Variants in PRDM2 observed in about 807,000 individuals in gnomAD.
The protein encoded by PRDM2 is PR/SET domain 2.
Under a neutral mutation model 130.0 loss-of-function variants are expected in PRDM2, and 30 were observed. That is an observed-to-expected ratio of 0.23 (90% confidence interval 0.17 to 0.31). PRDM2 has a LOEUF of 0.31. PRDM2 is among the 10% of genes least tolerant of loss of function. PRDM2 has a pLI of 1.00. For missense variants in PRDM2, 2,011 were observed against 2,108.4 expected (o/e 0.95, Z 0.90); for synonymous variants, 871 against 782.4 (o/e 1.11, Z -1.89).
intron 2 of PRDM2, among the ~76,000 whole-genome samples, chr1:13,726,551 G>A (rs1042296554): frequency 6.6e-6 from 1 of 152,212 alleles, no homozygotes; most frequent in Non-Finnish European, 1.5e-5. Flanking sequence ...GAATGAAGGA[G>A]AGACGCTTTG....
chr1:13,779,310 T>C lies in PRDM2; in HGVS notation c.1515T>C (p.Val505=). 6.2e-7 allele frequency: 1 copy of C among 1,614,082 alleles called. No individual in the cohort carries two copies. The highest frequency in any genetic ancestry group is 2.2e-5 in the East Asian group (1 of 44,882). ...ATATGAGACGGCATCAGCGTAGAGTTCACGAACGTCATCTGATTCCCAAAG... is the reference window on the plus strand; with the variant it reads ...ATATGAGACGGCATCAGCGTAGAGTCCACGAACGTCATCTGATTCCCAAAG... ...HTNMRRHQRR[V]HERHLIPKGV... The change falls in exon 8 of 10, where the codon GTT becomes GTC. Residue 505 remains valine (V), a synonymous_variant. Coordinates refer to ENST00000311066, the MANE Select transcript of PRDM2 (RefSeq NM_001393986.1). The surrounding 1 kb of genome is among the most constrained non-coding windows in gnomAD (Gnocchi z 4.9).
chr1:13,787,898 T>G, intron 8 of PRDM2: 2 of 984,364 alleles, frequency 2.0e-6, no homozygotes, highest in Non-Finnish European at 2.4e-6. Context: ...AGAGAGAGGT[T>G]AATTATAGAT....
At chr1:13,818,659 A>G (rs1645298024) in intron 9 of PRDM2, among the ~76,000 whole-genome samples, 2 of 151,550 alleles carry the variant, frequency 1.3e-5, no homozygotes, top group Non-Finnish European at 2.9e-5. Flanking sequence ...TGCTGGGATT[A>G]CAGGCGTGAG....
At chr1:13,799,488 C>T (rs946946379) in intron 8 of PRDM2, among the ~76,000 whole-genome samples, 1 of 151,966 alleles carries the variant, frequency 6.6e-6, no homozygotes, top group Non-Finnish European at 1.5e-5. Context: ...AGCACAAGGC[C>T]TTGGAAAGTG....
rs775487276 is a variant in PRDM2, at chr1:13,780,758, C to T, written c.2963C>T (p.Pro988Leu). Reference sequence around the variant, plus strand: ...TTAACTGTTGCCACTCCGCCCCCTCCCCTCCTTCCTACCGTACCTCTTCCA... The same window carrying T: ...TTAACTGTTGCCACTCCGCCCCCTCTCCTCCTTCCTACCGTACCTCTTCCA... ...PVLTVATPPP[P>L]LLPTVPLPAP... Residue 988 changes from proline to leucine, a missense_variant, in exon 8 of 10, where the codon CCC becomes CTC. Pro to Leu is a moderately conservative substitution (Grantham distance 98). Around this residue, in one of 5 missense-constraint regions of PRDM2, gnomAD observed 1,288 missense variants for 1,237.7 expected, o/e 1.04. Transcript: ENST00000311066. 4.4e-6 allele frequency: 7 copies of T among 1,573,440 alleles called. No individual in the cohort carries two copies. The South Asian group carries it at 5.9e-5, about 13-fold the overall frequency.
intron 9 of PRDM2, among the ~76,000 whole-genome samples, chr1:13,817,585 G>C (rs985703715): frequency 2.6e-5 from 4 of 151,428 alleles, no homozygotes; most frequent in Non-Finnish European, 5.9e-5. Context: ...TACATCAGAA[G>C]ATCTAGGATG....
chr1:13,768,845 T>A (rs1456146056), intron 6 of PRDM2, among the ~76,000 whole-genome samples: 3 of 152,164 alleles, frequency 2.0e-5, no homozygotes, highest in Non-Finnish European at 4.4e-5. Flanking sequence ...GGGGCATCAG[T>A]TTTACAATAA....
intron 8 of PRDM2, among the ~76,000 whole-genome samples, chr1:13,789,545 G>T (rs1644804975): frequency 6.6e-6 from 1 of 152,174 alleles, no homozygotes; most frequent in South Asian, 2.1e-4. Flanking sequence ...TGGACAAGGA[G>T]ATGCTTCTAG....
chr1:13,710,070 TCTC>T (rs1330231325), intron 1 of PRDM2, among the ~76,000 whole-genome samples: 2 of 152,218 alleles, frequency 1.3e-5, no homozygotes, highest in Non-Finnish European at 2.9e-5. Flanking sequence ...AAAAATCTGT[TCTC>T]CTACTTTGCC....
chr1:13,750,414 C>G (rs1202362087), intron 6 of PRDM2, among the ~76,000 whole-genome samples: 1 of 149,296 alleles, frequency 6.7e-6, no homozygotes, highest in Non-Finnish European at 1.5e-5. Flanking sequence ...TTTTTGCTCT[C>G]CTTAGGTCTT....
chr1:13,814,199 G>A (rs1033808301), intron 8 of PRDM2, among the ~76,000 whole-genome samples: 1 of 152,226 alleles, frequency 6.6e-6, no homozygotes, highest in Non-Finnish European at 1.5e-5. Context: ...CAGCTAGAAT[G>A]GGGTTGGCGG....
At chr1:13,769,242 C>G (rs902006195) in intron 6 of PRDM2, 2 of 828,818 alleles carry the variant, frequency 2.4e-6, no homozygotes, top group African/African-American at 3.7e-5. Flanking sequence ...GAGAGAAGCT[C>G]ACAAATGCCA....
At chr1:13,739,547 T>G (rs1643376894) in intron 4 of PRDM2, among the ~76,000 whole-genome samples, 1 of 152,242 alleles carries the variant, frequency 6.6e-6, no homozygotes, top group Non-Finnish European at 1.5e-5. Flanking sequence ...TGCACCACAG[T>G]ACTTTTTAGT....
chr1:13,742,201 G>C (rs1338583640), intron 5 of PRDM2, 44 bp downstream of exon 5: 1 of 1,583,744 alleles, frequency 6.3e-7, no homozygotes, highest in Non-Finnish European at 8.7e-7. Flanking sequence ...CGCTGCTTGT[G>C]TTTTCCTTTT....
rs1367677710 is a variant in PRDM2 at position 13,781,977 on chromosome 1, C to G, written c.4182C>G (p.Phe1394Leu). Residue 1394 changes from phenylalanine to leucine, a missense_variant, in exon 8 of 10, where the codon TTC (phenylalanine) becomes TTG (leucine). Transcript: ENST00000311066. The surrounding 1 kb of genome is among the most constrained non-coding windows in gnomAD (Gnocchi z 6.1). Reference sequence around the variant, plus strand: ...TAGATAACTCTGGGAAAAATGCCTTCCGACGAATGGGACAGCCCAAAAGGC... The same window carrying G: ...TAGATAACTCTGGGAAAAATGCCTTGCGACGAATGGGACAGCCCAAAAGGC... ...VVLDNSGKNA[F>L]RRMGQPKRLN... 1 of 1,614,150 alleles carries G rather than the reference C, an allele frequency of 6.2e-7. No individual in the cohort carries two copies. Among genetic ancestry groups the G allele is most frequent in the Middle Eastern group, 1.6e-4 (1 of 6,062 alleles).
intron 8 of PRDM2, among the ~76,000 whole-genome samples, chr1:13,788,303 G>A (rs1644781330): frequency 1.3e-5 from 2 of 152,190 alleles, no homozygotes; most frequent in African/African-American, 4.8e-5. Context: ...CAACGGTGCC[G>A]AGAAGTACCT....
intron 8 of PRDM2, among the ~76,000 whole-genome samples, chr1:13,804,188 C>T (rs1054348467): frequency 9.9e-5 from 15 of 152,136 alleles, no homozygotes; most frequent in Admixed American, 6.5e-5. Context: ...CCAGTGTGTA[C>T]TAATTCCTCA....
intron 8 of PRDM2, among the ~76,000 whole-genome samples, chr1:13,793,836 CAAAA>C (rs375889572): frequency 6.8e-6 from 1 of 147,052 alleles, no homozygotes; most frequent in Non-Finnish European, 1.5e-5. Flanking sequence ...AAAGATATCG[CAAAA>C]AAAAAAGTTA....
chr1:13,718,684 C>T (rs542159501), intron 2 of PRDM2, among the ~76,000 whole-genome samples: 135 of 152,086 alleles, frequency 8.9e-4, no homozygotes, highest in Non-Finnish European at 1.6e-3. Context: ...TGTGAGTCTT[C>T]GATCCTTCCG....
Sources: gnomAD v4.1 joint callset for allele counts (sites outside exome capture counted in the v4.1 genomes callset) on GRCh38, gnomAD v4.1.1 for gene constraint, gnomAD v4.1.1 regional missense constraint, Gnocchi (gnomAD v3.1) non-coding constraint, MANE v1.5 for transcripts, NCBI Gene and HGNC (gene_info 2026-07-23, HGNC 2026-07-21) for gene names.